Variants in UBE2E3 observed in about 807,000 individuals in gnomAD.
UBE2E3 encodes ubiquitin-conjugating enzyme E2 E3.
UBE2E3 carries 5 observed loss-of-function variants against 23.6 expected under a neutral mutation model. That is an observed-to-expected ratio of 0.21 (90% CI 0.11 to 0.44). The LOEUF (loss-of-function observed/expected upper bound fraction) is 0.44. Ranked by LOEUF, UBE2E3 falls within the 20% of genes least tolerant of loss-of-function variation. UBE2E3 has a pLI of 0.99. For missense variants in UBE2E3, 81 were observed against 249.8 expected (o/e 0.32, Z 4.55); for synonymous variants, 78 against 87.5 (o/e 0.89, Z 0.60).
chr2:181,025,690 TTAA>T (rs1452742389), intron 3 of UBE2E3, among the ~76,000 whole-genome samples: 2 of 151,926 alleles, frequency 1.3e-5, no homozygotes, highest in African/African-American at 4.8e-5. Flanking sequence ...TCATTGGCTA[TTAA>T]TAATCTTCTA....
rs2368193 is a variant in UBE2E3, at chr2:181,062,885, A to G, written c.621A>G (p.Thr207=). 1.1e-5 allele frequency: 18 copies of G among 1,592,366 alleles called. No homozygotes were observed. Among genetic ancestry groups the G allele is most frequent in the Non-Finnish European group, 1.5e-5 (17 of 1,164,438 alleles). ...IARQWTKRYA[T] ...GACAGTGGACCAAGAGATACGCAAC[A>G]TAATTCACATAATTTGTATGCAGTG... Residue 207 remains threonine (T), a synonymous_variant, in exon 6 of 6, where the codon ACA becomes ACG. Transcript: ENST00000410062.
At chr2:181,050,052 A>C (rs116617416) in intron 3 of UBE2E3, among the ~76,000 whole-genome samples, 75 of 152,138 alleles carry the variant, frequency 4.9e-4, no homozygotes, top group African/African-American at 1.7e-3. Context: ...AAGTTACACA[A>C]GCATTTGTAG....
intron 3 of UBE2E3, among the ~76,000 whole-genome samples, chr2:181,002,951 C>G (rs1052298659): frequency 6.6e-6 from 1 of 152,200 alleles, no homozygotes. Flanking sequence ...AAACTCAACA[C>G]CCGGTACAAA....
intron 3 of UBE2E3, among the ~76,000 whole-genome samples, chr2:181,030,452 C>A (rs1221726061): frequency 6.6e-6 from 1 of 151,882 alleles, no homozygotes; most frequent in Admixed American, 6.6e-5. Flanking sequence ...TATATATTAT[C>A]TTTTTTCAAT....
intron 3 of UBE2E3, among the ~76,000 whole-genome samples, chr2:181,028,143 A>G (rs771077505): frequency 6.6e-6 from 1 of 152,090 alleles, no homozygotes; most frequent in Non-Finnish European, 1.5e-5. Context: ...AGCACTATAC[A>G]TTACATAATG....
At chr2:181,056,736 A>G (rs1686999318) in intron 3 of UBE2E3, among the ~76,000 whole-genome samples, 1 of 151,804 alleles carries the variant, frequency 6.6e-6, no homozygotes, top group Non-Finnish European at 1.5e-5. Context: ...TTGGGAAGAA[A>G]TTTTGATAAG....
intron 5 of UBE2E3, among the ~76,000 whole-genome samples, chr2:181,061,865 C>T (rs1574230121): frequency 1.3e-5 from 2 of 151,050 alleles, no homozygotes; most frequent in East Asian, 3.9e-4. Context: ...GGCAGAGATA[C>T]ATATGCAATA....
chr2:181,026,656 G>T (rs1332184697), intron 3 of UBE2E3, among the ~76,000 whole-genome samples: 1 of 151,588 alleles, frequency 6.6e-6, no homozygotes, highest in African/African-American at 2.4e-5. Flanking sequence ...TTAAATATTT[G>T]ACTCCGGCCC....
intron 3 of UBE2E3, among the ~76,000 whole-genome samples, chr2:181,051,520 G>T (rs1411024859): frequency 6.6e-6 from 1 of 151,732 alleles, no homozygotes; most frequent in African/African-American, 2.4e-5. Context: ...CTTTTCTAAA[G>T]ATTGGTCTAA....
intron 3 of UBE2E3, among the ~76,000 whole-genome samples, chr2:181,053,516 T>C (rs537648434): frequency 6.6e-6 from 1 of 151,846 alleles, no homozygotes; most frequent in African/African-American, 2.4e-5. Context: ...TTGCTTGTTC[T>C]AAAATTTATT....
intron 3 of UBE2E3, among the ~76,000 whole-genome samples, chr2:180,997,825 G>A (rs1486907270): frequency 6.6e-6 from 1 of 152,080 alleles, no homozygotes; most frequent in African/African-American, 2.4e-5. Flanking sequence ...TCCTTCAAGT[G>A]GTAGTGATCT....
chr2:180,997,262 C>T (rs1400658152), intron 3 of UBE2E3, among the ~76,000 whole-genome samples: 1 of 151,552 alleles, frequency 6.6e-6, no homozygotes, highest in Non-Finnish European at 1.5e-5. Flanking sequence ...TATTTTTTTT[C>T]TGTCCACTTT....
chr2:181,017,341 G>C (rs1013029605), intron 3 of UBE2E3, among the ~76,000 whole-genome samples: 16 of 152,164 alleles, frequency 1.1e-4, no homozygotes, highest in African/African-American at 3.9e-4. Flanking sequence ...ACCAGTAAAG[G>C]GGGCTCAGAA....
chr2:181,052,986 A>G (rs1332141080), intron 3 of UBE2E3, among the ~76,000 whole-genome samples: 2 of 151,754 alleles, frequency 1.3e-5, no homozygotes, highest in Non-Finnish European at 1.5e-5. Flanking sequence ...CATCACTTTT[A>G]CAATGCTGTT....
chr2:181,029,085 G>T (rs1685987898), intron 3 of UBE2E3, among the ~76,000 whole-genome samples: 1 of 151,892 alleles, frequency 6.6e-6, no homozygotes, highest in African/African-American at 2.4e-5. Flanking sequence ...TAACTTTATT[G>T]AATAGTCCAG....
chr2:181,059,904 T>C (rs573436161), intron 4 of UBE2E3, among the ~76,000 whole-genome samples: 1 of 147,908 alleles, frequency 6.8e-6, no homozygotes, highest in Admixed American at 6.7e-5. Context: ...TGATCAGAAA[T>C]TTTTTTTTTT....
intron 3 of UBE2E3, among the ~76,000 whole-genome samples, chr2:180,989,044 A>G (rs1684572143): frequency 6.6e-6 from 1 of 152,150 alleles, no homozygotes; most frequent in African/African-American, 2.4e-5. Context: ...ATCTACAGAT[A>G]GTTTGTATTA....
chr2:181,032,271 G>A (rs1686106548), intron 3 of UBE2E3, among the ~76,000 whole-genome samples: 1 of 152,124 alleles, frequency 6.6e-6, no homozygotes, highest in South Asian at 2.1e-4. Context: ...TTACTCACCT[G>A]GTAGCAATTG....
Position 180,998,961 on chromosome 2 carries a change from CAGATA to C in UBE2E3, c.245+14873_245+14877del, listed in dbSNP as rs538207009. On this transcript the variant is annotated intron_variant, in intron 3 of 5. Transcript: ENST00000410062. ...TAAATTACTTTTCTCTATAGATATG[CAGATA>C]AGATGTTTTAAATGTGTAAGTGGTA... 3.9e-5 allele frequency among the ~76,000 whole-genome samples: 6 copies of C among 152,136 alleles called. No individual in the cohort carries two copies. In the South Asian group the frequency reaches 8.3e-4, roughly 21 times the overall value.
Sources: gnomAD v4.1 joint callset for allele counts (sites outside exome capture counted in the v4.1 genomes callset) on GRCh38, gnomAD v4.1.1 for gene constraint, MANE v1.5 for transcripts, NCBI Gene and HGNC (gene_info 2026-07-23, HGNC 2026-07-21) for gene names.